WLS: variants seen among roughly 807,000 people sequenced by gnomAD.
The protein encoded by WLS is protein wntless homolog.
Under a neutral mutation model 62.8 loss-of-function variants are expected in WLS, and 23 were observed. The observed-to-expected ratio is 0.37, with a 90% CI of 0.26 to 0.52. WLS has a LOEUF of 0.52. Among genes scored for constraint, WLS ranks in the 20% least tolerant of loss-of-function variants. WLS has a pLI of 0.92. For synonymous variants in WLS, 246 were observed against 244.1 expected, an observed-to-expected ratio of 1.01 and a Z score of -0.07; for missense variants, 615 against 697.3, an observed-to-expected ratio of 0.88 and a Z score of 1.33.
At chr1:68,171,875 G>GT (rs1322709444) in intron 2 of WLS, among the ~76,000 whole-genome samples, 5 of 152,148 alleles carry the variant, frequency 3.3e-5, no homozygotes, top group African/African-American at 1.2e-4. Context: ...TATGTTTATT[G>GT]TGGCACTATT....
At chr1:68,145,643 G>A (rs1454799277) in intron 9 of WLS, among the ~76,000 whole-genome samples, 1 of 152,032 alleles carries the variant, frequency 6.6e-6, no homozygotes, top group African/African-American at 2.4e-5. Context: ...ATTCATTACT[G>A]AAAATGGAAA....
At chr1:68,215,389 A>G (rs1417078877) in intron 1 of WLS, among the ~76,000 whole-genome samples, 2 of 152,238 alleles carry the variant, frequency 1.3e-5, no homozygotes, top group African/African-American at 4.8e-5. Flanking sequence ...AACGAAATGT[A>G]AATTAAAAGA....
chr1:68,161,916 C>G (rs1646981351), intron 2 of WLS: 3 of 1,610,540 alleles, frequency 1.9e-6, no homozygotes, highest in Non-Finnish European at 2.5e-6. Flanking sequence ...GAGCCACGCC[C>G]ACGATGCCTG....
chr1:68,200,736 C>T (rs1648966813), intron 1 of WLS, among the ~76,000 whole-genome samples: 1 of 152,138 alleles, frequency 6.6e-6, no homozygotes, highest in Admixed American at 6.5e-5. Flanking sequence ...GTAGAGAAAA[C>T]CTCCATTGCA....
intron 2 of WLS, among the ~76,000 whole-genome samples, chr1:68,190,839 C>T (rs1221179764): frequency 6.6e-6 from 1 of 152,176 alleles, no homozygotes; most frequent in Non-Finnish European, 1.5e-5. Flanking sequence ...GAGTGGATCA[C>T]CTGAGGTCGG....
chr1:68,118,271 C>A (rs1207731617), intron 11 of WLS, among the ~76,000 whole-genome samples: 1 of 152,296 alleles, frequency 6.6e-6, no homozygotes, highest in East Asian at 1.9e-4. Context: ...GTCATAGGAA[C>A]ATGAAACATG....
At chr1:68,195,973 T>C (rs1391248363) in intron 1 of WLS, among the ~76,000 whole-genome samples, 1 of 152,034 alleles carries the variant, frequency 6.6e-6, no homozygotes, top group African/African-American at 2.4e-5. Context: ...TATGTAAGCA[T>C]GTTTCTGAAC....
chr1:68,175,008 T>C (rs956494477), intron 2 of WLS, among the ~76,000 whole-genome samples: 1 of 152,216 alleles, frequency 6.6e-6, no homozygotes, highest in Non-Finnish European at 1.5e-5. Context: ...ATTACATCCA[T>C]GAGCTTTATG....
chr1:68,150,073 A>T, intron 6 of WLS, 115 bp downstream of exon 6: 1 of 1,081,998 alleles, frequency 9.2e-7, no homozygotes, highest in Non-Finnish European at 1.3e-6. Flanking sequence ...ACTTGTAACT[A>T]CTAGTTTATT....
At chr1:68,226,063 C>T (rs561643832) in intron 1 of WLS, among the ~76,000 whole-genome samples, 1 of 152,306 alleles carries the variant, frequency 6.6e-6, no homozygotes, top group Non-Finnish European at 1.5e-5. Flanking sequence ...TGGCAAGGCA[C>T]TTTTTGGGTC....
intron 11 of WLS, among the ~76,000 whole-genome samples, chr1:68,110,692 C>CTCTCTCTCT (rs1646216637): frequency 7.2e-6 from 1 of 138,384 alleles, no homozygotes; most frequent in African/African-American, 2.9e-5. Context: ...TCTCTCTCTC[C>CTCTCTCTCT]ATATATATAT....
rs777424861 is a variant in WLS at position 68,158,196 on chromosome 1, G to T, written c.504+927C>A. ...TACACCCTGAGACATTGACTTAATA[G>T]GTTCTGGGTGTGCCCTGGGAATCTG... On this transcript the variant is annotated intron_variant, in intron 3 of 11. Coordinates refer to ENST00000262348, the MANE Select transcript of WLS (RefSeq NM_024911.7). 4.6e-5 allele frequency among the ~76,000 whole-genome samples: 7 copies of T among 152,292 alleles called. No homozygotes were observed. In the East Asian group the frequency reaches 1.4e-3, roughly 29 times the overall value.
chr1:68,196,037 C>A (rs545753945), intron 1 of WLS, among the ~76,000 whole-genome samples: 1 of 151,812 alleles, frequency 6.6e-6, no homozygotes, highest in East Asian at 1.9e-4. Flanking sequence ...CACAACATTG[C>A]TTTGAATTTT....
At chr1:68,230,588 C>CGTGTGTGTGT (rs145944948) in intron 1 of WLS, among the ~76,000 whole-genome samples, 353 of 149,154 alleles carry the variant, frequency 2.4e-3, no homozygotes, top group African/African-American at 8.1e-3. Context: ...TGTGTGCGCG[C>CGTGTGTGTGT]GTGTGTGTGT....
intron 2 of WLS, among the ~76,000 whole-genome samples, chr1:68,160,943 G>A (rs1300149845): frequency 6.6e-6 from 1 of 152,234 alleles, no homozygotes; most frequent in Admixed American, 6.5e-5. Context: ...CTTTATCAAT[G>A]TCTAAAAAAG....
At chr1:68,151,822 C>A (rs1367593589) in intron 5 of WLS, among the ~76,000 whole-genome samples, 1 of 152,000 alleles carries the variant, frequency 6.6e-6, no homozygotes, top group African/African-American at 2.4e-5. Flanking sequence ...AGATGAAAAG[C>A]CAGTGGAGAG....
At position 68,107,468 on chromosome 1, in the gene WLS, C is replaced by G. The variant is rs113439624; in HGVS notation, c.1511-8715G>C. ...CTTCAAGTCCCAACTCTGCCACTTA[C>G]TAGCCATGTGACCTTAAGCCATTCA... On this transcript the variant is annotated intron_variant, in intron 11 of 11. Coordinates refer to the WLS transcript ENST00000354777. 8.2e-3 allele frequency among the ~76,000 whole-genome samples: 1,247 copies of G among 152,324 alleles called. 8 individuals carry two copies. Among genetic ancestry groups the G allele is most frequent in the Middle Eastern group, 0.027 (8 of 294 alleles).
chr1:68,198,325 A>G (rs746773894), intron 1 of WLS, among the ~76,000 whole-genome samples: 5 of 152,186 alleles, frequency 3.3e-5, no homozygotes, highest in Admixed American at 6.5e-5. Flanking sequence ...GCAGTCCATT[A>G]TGAATTCAGT....
chr1:68,120,723 C>T (rs200986924), downstream of WLS, among the ~76,000 whole-genome samples: 1,945 of 134,764 alleles, frequency 0.014, 24 homozygotes, highest in Non-Finnish European at 0.024. Context: ...TGTGTGCGCG[C>T]GCGCACATGT....
Sources: allele counts gnomAD v4.1 joint callset (sites outside exome capture counted in the v4.1 genomes callset), GRCh38; gene constraint gnomAD v4.1.1; transcripts MANE v1.5; gene names NCBI Gene and HGNC (gene_info 2026-07-23, HGNC 2026-07-21).